TMX3: variants seen among roughly 807,000 people sequenced by gnomAD.
TMX3 encodes protein disulfide-isomerase TMX3.
TMX3 carries 40 observed loss-of-function variants against 64.4 expected under a neutral mutation model. The ratio of observed to expected loss-of-function variants is 0.62; its 90% CI spans 0.48 to 0.81. The LOEUF (loss-of-function observed/expected upper bound fraction) is 0.81, where lower values mean the gene tolerates loss of function less well. TMX3 is among the 30% of genes least tolerant of loss of function. The probability of loss-of-function intolerance (pLI) is 0.00; values close to 1 mark genes in which losing one functional copy is unlikely to be tolerated. For missense variants in TMX3, 497 were observed against 534.5 expected (o/e 0.93, Z 0.69); for synonymous variants, 189 against 175.7 (o/e 1.08, Z -0.60).
intron 14 of TMX3, among the ~76,000 whole-genome samples, chr18:68,680,166 C>T (rs371355276): frequency 9.9e-5 from 15 of 152,232 alleles, no homozygotes; most frequent in African/African-American, 3.1e-4. Context: ...AACTTCTTCA[C>T]CTTGACCGAA....
intron 9 of TMX3, chr18:68,689,851 T>C (rs1914341581): frequency 6.6e-6 from 1 of 152,216 alleles, no homozygotes; most frequent in Non-Finnish European, 1.5e-5. Context: ...CTTAGCTATA[T>C]CCTTTGTAAT....
chr18:68,681,082 G>C lies in TMX3; in HGVS notation c.934C>G (p.Leu312Val), dbSNP rs1913376798. The C allele has an allele frequency of 2.5e-6, 4 of 1,589,866 alleles. No individual in the cohort carries two copies. Among genetic ancestry groups the C allele is most frequent in the Non-Finnish European group, 3.4e-6 (4 of 1,169,576 alleles). Reference sequence around the variant, plus strand: ...AAATATTGCTGGTTTGAAGTATTCAGTACAACTACAGTTGGGACTGTCAAT... The same window carrying C: ...AAATATTGCTGGTTTGAAGTATTCACTACAACTACAGTTGGGACTGTCAAT... ...DELTVPTVVV[L>V]NTSNQQYFLL... The change falls in exon 14 of 16, where the codon CTG (leucine) becomes GTG (valine). Residue 312 changes from leucine (L) to valine (V), a missense_variant. Leu to Val is a conservative substitution (Grantham distance 32). Around this residue, in one of 3 missense-constraint regions of TMX3, gnomAD observed 360 missense variants for 383.5 expected, o/e 0.94. Coordinates refer to ENST00000299608, the MANE Select transcript of TMX3 (RefSeq NM_019022.5).
rs1913400895 is a variant in TMX3 at position 68,681,225 on chromosome 18, A to G, written c.906-115T>C. 23 of 946,608 alleles carry G rather than the reference A, an allele frequency of 2.4e-5. 1 individual carries two copies. The East Asian group carries it at 6.9e-4, about 28-fold the overall frequency. The allele number at this position is 946,608 out of a possible 1,614,324, so 58.6% of individuals were successfully genotyped here. Reference sequence around the variant, plus strand: ...TAGAAGCTATTTAACACATTTGTGCATATTTTATGGTAGAAAATGATCAAA... The same window carrying G: ...TAGAAGCTATTTAACACATTTGTGCGTATTTTATGGTAGAAAATGATCAAA... On this transcript the variant is annotated intron_variant, in intron 13 of 15. Transcript: ENST00000299608.
At chr18:68,687,807 G>A (rs1188792654) in intron 9 of TMX3, 42 bp from the exon 10 acceptor site, 2 of 1,459,260 alleles carry the variant, frequency 1.4e-6, no homozygotes, top group African/African-American at 2.8e-5. Context: ...GTATAAATAT[G>A]AATTTAAGAG....
chr18:68,677,546 C>T (rs309205), intron 15 of TMX3, among the ~76,000 whole-genome samples: 20,102 of 151,892 alleles, frequency 0.13, 3,981 homozygotes, highest in African/African-American at 0.43. Flanking sequence ...CTTCCTGAAC[C>T]ACAGGAATCT....
intron 8 of TMX3, among the ~76,000 whole-genome samples, chr18:68,695,717 C>G (rs555224158): frequency 2.7e-4 from 41 of 152,316 alleles, no homozygotes; most frequent in African/African-American, 9.9e-4. Context: ...CCATCAAGCC[C>G]AAATTTCTTA....
intron 4 of TMX3, among the ~76,000 whole-genome samples, chr18:68,702,652 A>C (rs1256105362): frequency 6.6e-6 from 1 of 152,162 alleles, no homozygotes; most frequent in Non-Finnish European, 1.5e-5. Context: ...TGAAAAGTCC[A>C]CTGTATTATT....
At chr18:68,690,610 T>C (rs973889432) in intron 9 of TMX3, among the ~76,000 whole-genome samples, 4 of 152,206 alleles carry the variant, frequency 2.6e-5, no homozygotes, top group African/African-American at 9.6e-5. Flanking sequence ...AAAGTCTACA[T>C]TTTGTAAAGA....
chr18:68,710,138 C>T lies in TMX3; in HGVS notation c.148G>A (p.Ala50Thr), dbSNP rs754088702. ...TTTTTACAATGGCCACACCATGGCG[C>T]ATAAAACTTGTTTTAAAAAAACAAA... ...NDDIWLVDFY[A>T]PWCGHCKKLE... is the part of the protein sequence containing the mutation. Residue 50 changes from alanine to threonine, a missense_variant, in exon 4 of 16, where the codon GCG becomes ACG. By Grantham distance (58) the Ala-to-Thr change is moderately conservative. Coordinates refer to ENST00000299608, the MANE Select transcript of TMX3 (RefSeq NM_019022.5). 8 of 1,529,800 alleles carry T rather than the reference C, an allele frequency of 5.2e-6. No homozygotes were observed. 94.8% of individuals were successfully genotyped at this position (1,529,800 alleles called of 1,614,324 possible).
At chr18:68,689,866 G>A (rs377209345) in intron 9 of TMX3, 1 of 151,912 alleles carries the variant, frequency 6.6e-6, no homozygotes, top group Non-Finnish European at 1.5e-5. Flanking sequence ...TGTAATCCTG[G>A]GGTATTAATC....
intron 4 of TMX3, 117 bp downstream of exon 4, chr18:68,709,904 T>G: frequency 2.2e-6 from 2 of 924,402 alleles, no homozygotes; most frequent in South Asian, 4.4e-5. Flanking sequence ...TCTTAAATTA[T>G]TAAGTTAATT....
At position 68,713,808 on chromosome 18, in the gene TMX3, G is replaced by A. The variant is rs1030644001; in HGVS notation, c.101+38C>T. On this transcript the variant is annotated intron_variant, in intron 2 of 15. Transcript: ENST00000299608. ...AATATTCAGATATCTGAGTTGGACAGTTAAAATAATATTTTAAATATATAT... is the reference window on the plus strand; with the variant it reads ...AATATTCAGATATCTGAGTTGGACAATTAAAATAATATTTTAAATATATAT... The A allele has an allele frequency of 1.3e-5, 14 of 1,073,172 alleles. No individual in the cohort carries two copies. In the African/African-American group the frequency reaches 1.6e-4, roughly 12 times the overall value. 66.5% of individuals were successfully genotyped at this position (1,073,172 alleles called of 1,614,324 possible). A position where few individuals can be genotyped will look rare whatever the true frequency, so the allele number is the denominator to read the frequency against.
Position 68,677,084 on chromosome 18 carries a change from T to C in TMX3, c.1214A>G (p.Tyr405Cys). 1.2e-6 allele frequency: 2 copies of C among 1,613,884 alleles called. No homozygotes were observed. Among genetic ancestry groups the C allele is most frequent in the Non-Finnish European group, 1.7e-6 (2 of 1,179,800 alleles). ...GIYTADTDGG[Y>C]IEERYEVSKS... ...AGACACTTCATATCGTTCTTCTATA[T>C]AACCTCCATCTGTGTCGGCTGTGTA... Residue 405 changes from tyrosine (Y) to cysteine (C), a missense_variant, in exon 16 of 16, where the codon TAT (tyrosine) becomes TGT (cysteine). Transcript: ENST00000299608.
chr18:68,706,828 T>G (rs988006109), intron 4 of TMX3, among the ~76,000 whole-genome samples: 2 of 152,230 alleles, frequency 1.3e-5, no homozygotes, highest in African/African-American at 4.8e-5. Flanking sequence ...GGCAAAAATC[T>G]GTTTGTAATA....
At chr18:68,705,486 C>T (rs1358197597) in intron 4 of TMX3, among the ~76,000 whole-genome samples, 3 of 152,096 alleles carry the variant, frequency 2.0e-5, no homozygotes, top group African/African-American at 7.2e-5. Context: ...ATGTTATTGG[C>T]CAAATGTCAT....
chr18:68,693,720 C>G (rs1914768604), intron 8 of TMX3, among the ~76,000 whole-genome samples: 2 of 152,070 alleles, frequency 1.3e-5, no homozygotes, highest in Admixed American at 1.3e-4. Flanking sequence ...GGGAGTCAGA[C>G]AGGTTCCTAG....
chr18:68,694,353 C>T (rs1276663826), intron 8 of TMX3, among the ~76,000 whole-genome samples: 3 of 152,204 alleles, frequency 2.0e-5, no homozygotes, highest in Non-Finnish European at 2.9e-5. Context: ...TGTCTAGATG[C>T]TGGTTCTTGC....
chr18:68,713,903 G>GAA lies in TMX3; in HGVS notation c.47-5_47-4dup. 10 of 1,541,958 alleles carry GAA rather than the reference G, an allele frequency of 6.5e-6. No homozygotes were observed. The highest frequency in any genetic ancestry group is 1.2e-5 in the South Asian group (1 of 84,546). On this transcript the variant is annotated splice_region_variant and splice_polypyrimidine_tract_variant and intron_variant, in intron 1 of 15. Transcript: ENST00000299608. Reference sequence around the variant, plus strand: ...GACGACCATATCAAGTACAACAACTGAAAAAAAAAGACAAAATGTACACAA... The same window carrying GAA: ...GACGACCATATCAAGTACAACAACTGAAAAAAAAAAAGACAAAATGTACACAA...
Position 68,676,848 on chromosome 18 carries a change from A to G in TMX3, c.*85T>C. 5 of 1,489,934 alleles carry G rather than the reference A, an allele frequency of 3.4e-6. No individual in the cohort carries two copies. Among genetic ancestry groups the G allele is most frequent in the Non-Finnish European group, 4.5e-6 (5 of 1,112,256 alleles). 92.3% of individuals were successfully genotyped at this position (1,489,934 alleles called of 1,614,324 possible). On this transcript the variant is annotated 3_prime_UTR_variant, in exon 16 of 16. Transcript: ENST00000299608. ...ATACGAATAACATGTTCTTTTCTGT[A>G]AAGATCATGATTAAATGTCTAAATT... is the stretch of plus-strand genomic sequence containing the variant.
Sources: gnomAD v4.1 joint callset for allele counts (sites outside exome capture counted in the v4.1 genomes callset) on GRCh38, gnomAD v4.1.1 for gene constraint, gnomAD v4.1.1 regional missense constraint, MANE v1.5 for transcripts, NCBI Gene and HGNC (gene_info 2026-07-23, HGNC 2026-07-21) for gene names.